Variants in PRRG1 observed in about 807,000 individuals in gnomAD.
PRRG1 encodes proline rich and Gla domain 1, also known as transmembrane gamma-carboxyglutamic acid protein 1.
PRRG1 carries 5 observed loss-of-function variants against 11.8 expected under a neutral mutation model. The observed-to-expected ratio is 0.42, with a 90% CI of 0.22 to 0.89. The LOEUF is 0.89. PRRG1 is among the 40% of genes least tolerant of loss of function. The pLI is 0.28. For synonymous variants in PRRG1, 66 were observed against 60.4 expected (o/e 1.09, Z -0.43); for missense variants, 155 against 166.1 (o/e 0.93, Z 0.37).
intron 1 of PRRG1, among the ~76,000 whole-genome samples, chrX:37,398,197 G>A (rs1216059755): frequency 9.0e-6 from 1 of 111,449 alleles, no homozygotes; most frequent in Non-Finnish European, 1.9e-5. Flanking sequence ...CCTGATCCCC[G>A]ACCCCCGAGC....
At position 37,432,308 on chromosome X, in the gene PRRG1, G is replaced by T. The variant is rs929045846; in HGVS notation, c.171+6308G>T. 6.5e-4 allele frequency among the ~76,000 whole-genome samples: 58 copies of T among 89,662 alleles called. No individual in the cohort carries two copies. In the South Asian group the frequency reaches 0.023, roughly 35 times the overall value. The allele number at this position is 89,662 out of a possible 115,157, so 77.9% of individuals were successfully genotyped here. A position where few individuals can be genotyped will look rare whatever the true frequency, so the allele number is the denominator to read the frequency against. Reference sequence around the variant, plus strand: ...TCACCCTGTTAGCCAGGATGGTCTCGATCTCCTGACCTCATGATCCGCCCG... The same window carrying T: ...TCACCCTGTTAGCCAGGATGGTCTCTATCTCCTGACCTCATGATCCGCCCG... On this transcript the variant is annotated intron_variant, in intron 3 of 3. Transcript: ENST00000378628.
intron 3 of PRRG1, among the ~76,000 whole-genome samples, chrX:37,430,709 G>C (rs1468974263): frequency 1.8e-5 from 2 of 111,401 alleles, no homozygotes; most frequent in Non-Finnish European, 3.8e-5. Flanking sequence ...CCTTTACTCA[G>C]TTTCCCCCAA....
intron 3 of PRRG1, among the ~76,000 whole-genome samples, chrX:37,433,929 T>C (rs1486574067): frequency 8.9e-6 from 1 of 112,489 alleles, no homozygotes; most frequent in African/African-American, 3.2e-5. Flanking sequence ...CAGCCTTTGA[T>C]CTAGCAAATG....
intron 1 of PRRG1, among the ~76,000 whole-genome samples, chrX:37,377,103 G>T (rs183295112): frequency 0.016 from 1,811 of 110,929 alleles, 19 homozygotes; most frequent in Non-Finnish European, 0.023. Flanking sequence ...AAAAATATTT[G>T]CATATTTTTC....
rs782085309 is a variant in PRRG1, at chrX:37,442,135, G to A, written c.172-11001G>A. ...CTGGGTCAGGCCACCAGGCGGGGGC[G>A]TGCATGTTGCCCTTTCAGAACGTTC... On this transcript the variant is annotated intron_variant, in intron 3 of 3. Coordinates refer to ENST00000378628, the MANE Select transcript of PRRG1 (RefSeq NM_001142395.2). 34 of 755,839 alleles carry A rather than the reference G, an allele frequency of 4.5e-5. No homozygotes were observed. In the South Asian group the frequency reaches 1.6e-3, roughly 36 times the overall value. The allele number at this position is 755,839 out of a possible 1,213,427, so 62.3% of individuals were successfully genotyped here.
At chrX:37,410,868 A>G (rs1932331753) in intron 2 of PRRG1, among the ~76,000 whole-genome samples, 1 of 112,624 alleles carries the variant, frequency 8.9e-6, no homozygotes, top group Admixed American at 9.4e-5. Context: ...GACACAAGGA[A>G]TATAATGCAT....
At chrX:37,359,343 A>G (rs1556367029) in intron 1 of PRRG1, among the ~76,000 whole-genome samples, 1 of 109,280 alleles carries the variant, frequency 9.2e-6, no homozygotes, top group East Asian at 2.8e-4. Flanking sequence ...TTTTTTTTAA[A>G]TCATGAATCA....
chrX:37,395,115 A>C (rs1310964111), intron 1 of PRRG1, among the ~76,000 whole-genome samples: 1 of 111,964 alleles, frequency 8.9e-6, no homozygotes, highest in Non-Finnish European at 1.9e-5. Context: ...TACTATTAAT[A>C]ACCCCATTAT....
chrX:37,380,794 C>T (rs1183705380), intron 1 of PRRG1, among the ~76,000 whole-genome samples: 2 of 111,209 alleles, frequency 1.8e-5, no homozygotes, highest in African/African-American at 3.3e-5. Flanking sequence ...TACATTGTTT[C>T]CCGACAGTTA....
chrX:37,414,873 CA>C (rs1487367347), intron 2 of PRRG1, among the ~76,000 whole-genome samples: 2 of 112,216 alleles, frequency 1.8e-5, no homozygotes, highest in Admixed American at 9.4e-5. Flanking sequence ...CTGATGGTGA[CA>C]AATCATTCAC....
intron 2 of PRRG1, among the ~76,000 whole-genome samples, chrX:37,420,825 G>A (rs1556386853): frequency 9.0e-6 from 1 of 110,808 alleles, no homozygotes; most frequent in East Asian, 2.8e-4. Flanking sequence ...TCACATCACT[G>A]CACTCTAGCC....
chrX:37,454,438 T>C lies in PRRG1; in HGVS notation c.*817T>C, dbSNP rs921722489. 16 of 111,906 alleles carry C rather than the reference T, an allele frequency of 1.4e-4. No individual in the cohort carries two copies. Among genetic ancestry groups the C allele is most frequent in the African/African-American group, 5.2e-4 (16 of 30,792 alleles). The allele number at this position is 111,906 out of a possible 1,213,427, so 9.2% of individuals were successfully genotyped here. A position where few individuals can be genotyped will look rare whatever the true frequency, so the allele number is the denominator to read the frequency against. ...TAAAATGGATATATGTGTGGATTAA[T>C]GACAGGCAGTAAATACCCATTACTC... On this transcript the variant is annotated 3_prime_UTR_variant, in exon 4 of 4. Coordinates refer to ENST00000378628, the MANE Select transcript of PRRG1 (RefSeq NM_001142395.2).
intron 1 of PRRG1, among the ~76,000 whole-genome samples, chrX:37,392,832 A>G (rs978654629): frequency 9.9e-5 from 11 of 111,160 alleles, no homozygotes; most frequent in African/African-American, 3.6e-4. Flanking sequence ...TTTACACACT[A>G]TACTTTTGCT....
intron 2 of PRRG1, among the ~76,000 whole-genome samples, chrX:37,408,612 G>A (rs1427234226): frequency 9.0e-6 from 1 of 111,700 alleles, no homozygotes; most frequent in Non-Finnish European, 1.9e-5. Flanking sequence ...AAAGCTTGCC[G>A]GCCCAACTTT....
At chrX:37,366,737 T>A (rs1930582074) in intron 1 of PRRG1, among the ~76,000 whole-genome samples, 1 of 111,892 alleles carries the variant, frequency 8.9e-6, no homozygotes, top group South Asian at 3.8e-4. Flanking sequence ...ATATGTACTA[T>A]GGGATATTCC....
At chrX:37,417,971 T>G (rs1336330035) in intron 2 of PRRG1, among the ~76,000 whole-genome samples, 1 of 111,970 alleles carries the variant, frequency 8.9e-6, no homozygotes, top group East Asian at 2.8e-4. Context: ...AGGATTCGGA[T>G]CCAATACACT....
chrX:37,358,743 A>G (rs1930324765), intron 1 of PRRG1, among the ~76,000 whole-genome samples: 1 of 111,760 alleles, frequency 8.9e-6, no homozygotes, highest in African/African-American at 3.2e-5. Context: ...TAAAAAAAAA[A>G]ATTCACAATA....
chrX:37,433,150 G>C (rs144661456), intron 3 of PRRG1, among the ~76,000 whole-genome samples: 13 of 111,810 alleles, frequency 1.2e-4, no homozygotes, highest in Middle Eastern at 4.6e-3. Context: ...CAGCAGGTTA[G>C]AGTGATCCTT....
intron 1 of PRRG1, among the ~76,000 whole-genome samples, chrX:37,402,768 A>G (rs1300277192): frequency 9.0e-6 from 1 of 111,584 alleles, no homozygotes; most frequent in African/African-American, 3.3e-5. Context: ...ATCTACAATG[A>G]ACTCAAACAA....
Sources: allele counts gnomAD v4.1 joint callset (sites outside exome capture counted in the v4.1 genomes callset), GRCh38; gene constraint gnomAD v4.1.1; transcripts MANE v1.5; gene names NCBI Gene and HGNC (gene_info 2026-07-23, HGNC 2026-07-21).